CCDC148: variants seen among roughly 807,000 people sequenced by gnomAD.
CCDC148 encodes the protein coiled-coil domain containing 148, also known as coiled-coil domain-containing protein 148.
CCDC148 carries 89 observed loss-of-function variants against 85.7 expected under a neutral mutation model. The ratio of observed to expected loss-of-function variants is 1.04; its 90% CI spans 0.87 to 1.24. The LOEUF is 1.24. Ranked by LOEUF, CCDC148 falls within the 50% of genes most tolerant of loss-of-function variation. The probability of loss-of-function intolerance (pLI) is 0.00; values close to 1 mark genes in which losing one functional copy is unlikely to be tolerated. For missense variants in CCDC148, 692 were observed against 671.7 expected (o/e 1.03, Z -0.33); for synonymous variants, 230 against 213.9 (o/e 1.08, Z -0.66).
At chr2:158,391,969 A>T (rs1299009560) in intron 1 of CCDC148, among the ~76,000 whole-genome samples, 1 of 152,082 alleles carries the variant, frequency 6.6e-6, no homozygotes, top group Non-Finnish European at 1.5e-5. Flanking sequence ...ACAGTCCCAG[A>T]TTCTCCCCAA....
At chr2:158,191,644 C>T (rs976327808) in intron 11 of CCDC148, among the ~76,000 whole-genome samples, 1 of 151,894 alleles carries the variant, frequency 6.6e-6, no homozygotes, top group African/African-American at 2.4e-5. Flanking sequence ...TTTTCTAGTG[C>T]TTTTTTCCTT....
chr2:158,385,816 G>A (rs1234764199), intron 1 of CCDC148, among the ~76,000 whole-genome samples: 8 of 151,962 alleles, frequency 5.3e-5, no homozygotes, highest in Admixed American at 4.6e-4. Context: ...GGCAAGATAG[G>A]GCCTCTTGAA....
chr2:158,424,833 G>A (rs566042732), intron 1 of CCDC148: 2 of 193,978 alleles, frequency 1.0e-5, no homozygotes, highest in African/African-American at 4.8e-5. Context: ...TGAAAATATT[G>A]AAATTCCCAT....
chr2:158,252,101 CAGTTA>C (rs898781389), intron 9 of CCDC148, among the ~76,000 whole-genome samples: 1 of 151,556 alleles, frequency 6.6e-6, no homozygotes, highest in African/African-American at 2.4e-5. Flanking sequence ...TTAGCATTCC[CAGTTA>C]AATACTTCAT....
intron 11 of CCDC148, among the ~76,000 whole-genome samples, chr2:158,210,726 G>A (rs1165856090): frequency 2.7e-5 from 4 of 147,292 alleles, no homozygotes; most frequent in Admixed American, 1.4e-4. Flanking sequence ...GGCAGATCAC[G>A]AGGTCAGGAG....
intron 9 of CCDC148, among the ~76,000 whole-genome samples, chr2:158,294,087 C>T (rs954423118): frequency 7.0e-6 from 1 of 142,126 alleles, no homozygotes; most frequent in African/African-American, 2.6e-5. Context: ...CCCTCCCCAT[C>T]CCCACCCCGC....
chr2:158,177,016 TA>T (rs948316664), intron 12 of CCDC148, among the ~76,000 whole-genome samples: 1 of 151,530 alleles, frequency 6.6e-6, no homozygotes, highest in South Asian at 2.1e-4. Context: ...TCACAGAAAG[TA>T]AAAAAAAATT....
At chr2:158,310,390 G>C (rs1211919279) in intron 8 of CCDC148, among the ~76,000 whole-genome samples, 1 of 152,270 alleles carries the variant, frequency 6.6e-6, no homozygotes, top group African/African-American at 2.4e-5. Flanking sequence ...TTTTCTATGC[G>C]ACAAAACTGC....
At chr2:158,427,672 C>T (rs1268332315) in intron 1 of CCDC148, among the ~76,000 whole-genome samples, 1 of 151,908 alleles carries the variant, frequency 6.6e-6, no homozygotes, top group East Asian at 1.9e-4. Context: ...GAGTTCGAGA[C>T]CAGCCTGGGC....
At chr2:158,296,941 G>A (rs1691216722) in intron 9 of CCDC148, among the ~76,000 whole-genome samples, 2 of 152,130 alleles carry the variant, frequency 1.3e-5, no homozygotes. Flanking sequence ...TGATGCCTAT[G>A]GTTCCTCAGA....
chr2:158,216,463 C>G (rs1204258900), intron 11 of CCDC148, among the ~76,000 whole-genome samples: 2 of 123,716 alleles, frequency 1.6e-5, no homozygotes, highest in Non-Finnish European at 3.1e-5. Context: ...GTGGCATGAT[C>G]TCGGCTCACT....
chr2:158,431,569 T>G (rs1361455265), intron 1 of CCDC148, among the ~76,000 whole-genome samples: 1 of 151,928 alleles, frequency 6.6e-6, no homozygotes, highest in East Asian at 1.9e-4. Flanking sequence ...ACAAAAAATT[T>G]TTCAGGAAAA....
At chr2:158,247,162 A>T (rs1378754975) in intron 10 of CCDC148, among the ~76,000 whole-genome samples, 1 of 152,204 alleles carries the variant, frequency 6.6e-6, no homozygotes, top group Admixed American at 6.5e-5. Context: ...GCTTTTACAT[A>T]TTAATTTAAA....
At chr2:158,281,553 T>C (rs1690301647) in intron 9 of CCDC148, among the ~76,000 whole-genome samples, 1 of 152,070 alleles carries the variant, frequency 6.6e-6, no homozygotes. Flanking sequence ...CCTCGACACA[T>C]ACACTCTCCC....
At chr2:158,224,134 G>A (rs1687356392) in intron 10 of CCDC148, among the ~76,000 whole-genome samples, 1 of 152,180 alleles carries the variant, frequency 6.6e-6, no homozygotes, top group South Asian at 2.1e-4. Flanking sequence ...AGGACCTGAT[G>A]GAGCTGAAAA....
chr2:158,172,641 C>G (rs1028908606), intron 13 of CCDC148, among the ~76,000 whole-genome samples: 3 of 152,030 alleles, frequency 2.0e-5, no homozygotes, highest in African/African-American at 7.2e-5. Context: ...ACAAAAAAAG[C>G]ATCTTAATTT....
chr2:158,371,835 T>C (rs1371385862), intron 1 of CCDC148, among the ~76,000 whole-genome samples: 1 of 151,980 alleles, frequency 6.6e-6, no homozygotes, highest in Non-Finnish European at 1.5e-5. Flanking sequence ...ATAAAATCTA[T>C]CAAATCTCTG....
At chr2:158,439,712 C>A (rs551738425) in intron 1 of CCDC148, among the ~76,000 whole-genome samples, 2 of 152,050 alleles carry the variant, frequency 1.3e-5, no homozygotes. Context: ...AAAGGGTAGA[C>A]TATTTGATCA....
At chr2:158,412,335 G>A (rs192429997) in intron 1 of CCDC148, among the ~76,000 whole-genome samples, 5 of 152,106 alleles carry the variant, frequency 3.3e-5, no homozygotes, top group African/African-American at 7.2e-5. Flanking sequence ...ATTTTCATCC[G>A]TGGATAGTAA....
Sources: allele counts gnomAD v4.1 joint callset (sites outside exome capture counted in the v4.1 genomes callset), GRCh38; gene constraint gnomAD v4.1.1; transcripts MANE v1.5; gene names NCBI Gene and HGNC (gene_info 2026-07-23, HGNC 2026-07-21).